Variants in DNAH11 observed in about 807,000 individuals in gnomAD.
DNAH11 encodes dynein axonemal heavy chain 11.
Under a neutral mutation model 526.0 loss-of-function variants are expected in DNAH11, and 442 were observed. The ratio of observed to expected loss-of-function variants is 0.84; its 90% CI spans 0.78 to 0.91. DNAH11 has a LOEUF of 0.91. DNAH11 is among the 40% of genes least tolerant of loss of function. DNAH11 has a pLI of 0.00. For synonymous variants in DNAH11, 2,461 were observed against 1,935.9 expected (o/e 1.27, Z -7.12); for missense variants, 6,989 against 5,448.7 (o/e 1.28, Z -8.90).
At chr7:21,596,538 G>C (rs2128445494) in intron 14 of DNAH11, among the ~76,000 whole-genome samples, 1 of 152,268 alleles carries the variant, frequency 6.6e-6, no homozygotes. Flanking sequence ...CTGTCTCATA[G>C]AGGACAGATG....
chr7:21,782,238 A>T (rs1023769238), intron 57 of DNAH11, among the ~76,000 whole-genome samples: 4 of 152,196 alleles, frequency 2.6e-5, no homozygotes, highest in African/African-American at 9.7e-5. Context: ...CAAGGGTGAA[A>T]CTGTCTCCAA....
chr7:21,555,751 C>A (rs1783194356), intron 2 of DNAH11, among the ~76,000 whole-genome samples: 1 of 152,138 alleles, frequency 6.6e-6, no homozygotes, highest in African/African-American at 2.4e-5. Flanking sequence ...CTGAATAAGT[C>A]TTGGGTTTGT....
At chr7:21,795,452 A>G (rs1344794749) in intron 61 of DNAH11, among the ~76,000 whole-genome samples, 1 of 152,232 alleles carries the variant, frequency 6.6e-6, no homozygotes, top group Non-Finnish European at 1.5e-5. Context: ...ACATCAGTGT[A>G]CACCTCATCC....
chr7:21,711,915 C>G (rs1370389355), intron 42 of DNAH11, 55 bp downstream of exon 42: 2 of 1,542,176 alleles, frequency 1.3e-6, no homozygotes, highest in Non-Finnish European at 1.8e-6. Flanking sequence ...TAACATTTAC[C>G]ATTTTCATAA....
intron 45 of DNAH11, 108 bp from the exon 46 acceptor site, chr7:21,735,532 A>T: frequency 1.1e-6 from 1 of 932,874 alleles, no homozygotes; most frequent in South Asian, 1.7e-5. Context: ...TTGGATTTCA[A>T]TTATAAAGTG....
intron 20 of DNAH11, among the ~76,000 whole-genome samples, chr7:21,611,983 T>C (rs926869580): frequency 1.3e-5 from 2 of 152,050 alleles, no homozygotes; most frequent in Non-Finnish European, 2.9e-5. Flanking sequence ...TGGACAAACC[T>C]CTGGTGAAAT....
intron 62 of DNAH11, among the ~76,000 whole-genome samples, chr7:21,803,698 A>G (rs1172783602): frequency 6.6e-6 from 1 of 151,390 alleles, no homozygotes; most frequent in Non-Finnish European, 1.5e-5. Flanking sequence ...AGTCTGGAAA[A>G]GTGGGGAATG....
At chr7:21,702,841 T>A (rs1784121401) in intron 37 of DNAH11, 39 bp downstream of exon 37, 3 of 1,558,368 alleles carry the variant, frequency 1.9e-6, no homozygotes, top group Non-Finnish European at 2.6e-6. Flanking sequence ...AGTGAGTAGC[T>A]GGCCTGCTTC....
At chr7:21,646,147 A>G (rs1309404839) in intron 28 of DNAH11, among the ~76,000 whole-genome samples, 1 of 152,176 alleles carries the variant, frequency 6.6e-6, no homozygotes, top group Non-Finnish European at 1.5e-5. Context: ...CAAAAAAAAG[A>G]TGGAATGGCT....
intron 5 of DNAH11, chr7:21,561,447 TAAAA>T: frequency 4.2e-6 from 1 of 239,562 alleles, no homozygotes; most frequent in Non-Finnish European, 7.8e-6. Flanking sequence ...CATTCGGAGT[TAAAA>T]AAAAAAAATA....
intron 28 of DNAH11, among the ~76,000 whole-genome samples, chr7:21,644,794 T>G (rs1787279081): frequency 6.6e-6 from 1 of 152,236 alleles, no homozygotes; most frequent in Admixed American, 6.5e-5. Flanking sequence ...TTTAAATGGA[T>G]ACCTTAATAT....
rs577297884 is a variant in DNAH11, at chr7:21,846,765, G to GA, written c.10896+4023dup. Among the ~76,000 whole-genome samples the GA allele has an allele frequency of 8.5e-5, 13 of 152,132 alleles. No individual in the cohort carries two copies. The East Asian group carries it at 1.4e-3, about 16-fold the overall frequency. On this transcript the variant is annotated intron_variant, in intron 66 of 81. Transcript: ENST00000409508. ...ATGTTCCCTCTGCTTCTATTTTCTA[G>GA]AAAAAATGTAGAGAATTGATACTAT... is the stretch of plus-strand genomic sequence containing the variant.
intron 30 of DNAH11, 77 bp from the exon 31 acceptor site, chr7:21,681,469 C>G: frequency 6.9e-7 from 1 of 1,447,600 alleles, no homozygotes; most frequent in Middle Eastern, 1.8e-4. Context: ...TCAGCCTTTA[C>G]AAATACGAAG....
Position 21,836,944 on chromosome 7 carries a change from T to A in DNAH11, c.10692-5600T>A, listed in dbSNP as rs926235096. Among the ~76,000 whole-genome samples the A allele has an allele frequency of 2.6e-5, 4 of 152,058 alleles. No individual in the cohort carries two copies. In the East Asian group the frequency reaches 7.7e-4, roughly 29 times the overall value. On this transcript the variant is annotated intron_variant, in intron 65 of 81. Transcript: ENST00000409508. The stretch of plus-strand genomic sequence containing the variant: ...TTCTAAAACAGGCAAAGGACTTGAA[T>A]AGACATTTCTCAGAAGACATACAAA...
chr7:21,631,088 G>T (rs1354333046), intron 25 of DNAH11, among the ~76,000 whole-genome samples: 2 of 152,168 alleles, frequency 1.3e-5, no homozygotes, highest in Non-Finnish European at 2.9e-5. Flanking sequence ...GTAGTGGAAG[G>T]TGAAAGGCTT....
intron 65 of DNAH11, among the ~76,000 whole-genome samples, chr7:21,826,692 A>C (rs1790313938): frequency 6.6e-6 from 1 of 152,158 alleles, no homozygotes; most frequent in Non-Finnish European, 1.5e-5. Context: ...CATTGAAAAG[A>C]GAAAGCCAGG....
chr7:21,681,681 AGTT>A lies in DNAH11; in HGVS notation c.5460+8_5460+10del. The A allele has an allele frequency of 6.2e-7, 1 of 1,613,770 alleles. No individual in the cohort carries two copies. Among genetic ancestry groups the A allele is most frequent in the South Asian group, 1.1e-5 (1 of 91,078 alleles). On this transcript the variant is annotated splice_donor_5th_base_variant and intron_variant, in intron 31 of 81. Transcript: ENST00000409508. ...GGCAAAACTTATTTCTCAGAAGGCA[AGTT>A]GTTTGTAGAAATTTTATGTATTCAT...
chr7:21,549,474 G>C (rs1211385454), intron 2 of DNAH11, among the ~76,000 whole-genome samples: 1 of 152,134 alleles, frequency 6.6e-6, no homozygotes, highest in Non-Finnish European at 1.5e-5. Context: ...ATGGTTTGGG[G>C]TTGGAGTAGT....
intron 25 of DNAH11, among the ~76,000 whole-genome samples, chr7:21,635,431 C>T (rs2128459257): frequency 6.6e-6 from 1 of 152,294 alleles, no homozygotes; most frequent in East Asian, 1.9e-4. Flanking sequence ...GCTGGGATTA[C>T]AGGCGTGAGC....
Sources: allele counts gnomAD v4.1 joint callset (sites outside exome capture counted in the v4.1 genomes callset), GRCh38; gene constraint gnomAD v4.1.1; transcripts MANE v1.5; gene names NCBI Gene and HGNC (gene_info 2026-07-23, HGNC 2026-07-21).